The following CAB39 variants were observed in gnomAD, a reference collection of about 807,000 sequenced individuals.
CAB39 encodes the protein calcium-binding protein 39.
In CAB39, 8 loss-of-function variants were observed where a neutral mutation model predicts 40.0. The ratio of observed to expected loss-of-function variants is 0.20; its 90% CI spans 0.12 to 0.36. CAB39 has a LOEUF of 0.36. CAB39 is among the 10% of genes least tolerant of loss of function. The probability of loss-of-function intolerance (pLI) is 1.00; values close to 1 mark genes in which losing one functional copy is unlikely to be tolerated. For synonymous variants in CAB39, 156 were observed against 141.6 expected (o/e 1.10, Z -0.72); for missense variants, 270 against 401.1 (o/e 0.67, Z 2.79).
chr2:230,816,903 T>G (rs953891256), intron 7 of CAB39, among the ~76,000 whole-genome samples: 4 of 152,148 alleles, frequency 2.6e-5, no homozygotes, highest in African/African-American at 9.7e-5. Flanking sequence ...GACCAAGCTC[T>G]CCACAGCTCT....
Position 230,759,968 on chromosome 2 carries a change from G to A in CAB39, c.-34G>A, listed in dbSNP as rs1351887599. On this transcript the variant is annotated 5_prime_UTR_variant, in exon 2 of 9. Transcript: ENST00000258418. ...TTGTGCTGTGTTCTAGGTAGCACAGGCGGAGTGCAGCGGAGGCCCCTGCCG... is the reference window on the plus strand; with the variant it reads ...TTGTGCTGTGTTCTAGGTAGCACAGACGGAGTGCAGCGGAGGCCCCTGCCG... The A allele has an allele frequency of 8.6e-7, 1 of 1,162,898 alleles. No homozygotes were observed. The highest frequency in any genetic ancestry group is 1.7e-5 in the Admixed American group (1 of 59,032). The allele number at this position is 1,162,898 out of a possible 1,614,324, so 72.0% of individuals were successfully genotyped here. A position where few individuals can be genotyped will look rare whatever the true frequency, so the allele number is the denominator to read the frequency against.
At chr2:230,725,763 A>G (rs974574344) in intron 1 of CAB39, among the ~76,000 whole-genome samples, 1 of 152,222 alleles carries the variant, frequency 6.6e-6, no homozygotes, top group African/African-American at 2.4e-5. Context: ...GTCTCAGGAC[A>G]CAAAGAACTT....
Position 230,718,596 on chromosome 2 carries a change from G to T in CAB39, c.-44+5366G>T, listed in dbSNP as rs528950807. Among the ~76,000 whole-genome samples, 4 of 152,312 alleles carry T rather than the reference G, an allele frequency of 2.6e-5. 1 individual carries two copies. The South Asian group carries it at 8.3e-4, about 32-fold the overall frequency. On this transcript the variant is annotated intron_variant, in intron 1 of 8. Coordinates refer to ENST00000258418, the MANE Select transcript of CAB39 (RefSeq NM_016289.4). ...AGCTTGAATTCCTTGGATGGTAATAGTAGACCATATCTGAGAGGGTTGTAG... is the reference window on the plus strand; with the variant it reads ...AGCTTGAATTCCTTGGATGGTAATATTAGACCATATCTGAGAGGGTTGTAG...
intron 2 of CAB39, among the ~76,000 whole-genome samples, chr2:230,763,670 G>C (rs1695333878): frequency 6.6e-6 from 1 of 151,984 alleles, no homozygotes; most frequent in Non-Finnish European, 1.5e-5. Flanking sequence ...TATTTTAATA[G>C]CCTTTCAGAT....
At chr2:230,749,654 T>G (rs1052510313) in intron 1 of CAB39, among the ~76,000 whole-genome samples, 29 of 152,200 alleles carry the variant, frequency 1.9e-4, no homozygotes, top group African/African-American at 7.0e-4. Context: ...TCGGTAGAAA[T>G]CCTCAGAAGC....
chr2:230,788,732 A>G (rs1487932516), intron 2 of CAB39, among the ~76,000 whole-genome samples: 5 of 152,140 alleles, frequency 3.3e-5, no homozygotes. Flanking sequence ...ATGTTCCTCC[A>G]CTATCTTTTG....
chr2:230,780,021 G>A (rs1695658641), intron 2 of CAB39, among the ~76,000 whole-genome samples: 1 of 152,176 alleles, frequency 6.6e-6, no homozygotes, highest in Admixed American at 6.5e-5. Flanking sequence ...ATGGGTCTTA[G>A]GGGTCATCTG....
chr2:230,759,990 G>T lies in CAB39; in HGVS notation c.-12G>T. On this transcript the variant is annotated 5_prime_UTR_variant, in exon 2 of 9. Transcript: ENST00000258418. The stretch of plus-strand genomic sequence containing the variant: ...CAGGCGGAGTGCAGCGGAGGCCCCT[G>T]CCGCTGCCGTCATGCCGTTCCCGTT... The T allele has an allele frequency of 2.0e-6, 3 of 1,533,794 alleles. No homozygotes were observed. The South Asian group carries it at 3.4e-5, about 17-fold the overall frequency.
In CAB39 at chr2:230,775,568, T is replaced by C. The variant is rs1241000022; in HGVS notation, c.115-15304T>C. On this transcript the variant is annotated intron_variant, in intron 2 of 8. Coordinates refer to ENST00000258418, the MANE Select transcript of CAB39 (RefSeq NM_016289.4). ...CATTTCTTAACAATAACTAGTTATA[T>C]GTAAGTTAGAATCAATTCAGTTATG... Among the ~76,000 whole-genome samples, 5 of 152,308 alleles carry C rather than the reference T, an allele frequency of 3.3e-5. No individual in the cohort carries two copies. The East Asian group carries it at 9.6e-4, about 29-fold the overall frequency.
chr2:230,721,058 C>T (rs886539401), intron 1 of CAB39, among the ~76,000 whole-genome samples: 9 of 152,222 alleles, frequency 5.9e-5, no homozygotes, highest in East Asian at 1.9e-4. Flanking sequence ...TCCCTCCCCT[C>T]TTCCCCACCT....
chr2:230,753,149 T>C (rs548688990), intron 1 of CAB39, among the ~76,000 whole-genome samples: 48 of 152,156 alleles, frequency 3.2e-4, no homozygotes, highest in Non-Finnish European at 6.0e-4. Flanking sequence ...GGAAAGGGCA[T>C]TGGGAGAGAG....
chr2:230,737,010 T>C (rs1694798977), intron 1 of CAB39, among the ~76,000 whole-genome samples: 2 of 152,208 alleles, frequency 1.3e-5, no homozygotes, highest in Admixed American at 6.5e-5. Flanking sequence ...AACACTAATA[T>C]CTGCCTTTCA....
intron 1 of CAB39, among the ~76,000 whole-genome samples, chr2:230,730,929 C>T (rs13396097): frequency 0.13 from 19,717 of 152,188 alleles, 1,526 homozygotes; most frequent in Non-Finnish European, 0.17. Context: ...TATTAGTAAG[C>T]TCCTTTTATG....
At chr2:230,760,452 A>G (rs1030762067) in intron 2 of CAB39, among the ~76,000 whole-genome samples, 4 of 152,280 alleles carry the variant, frequency 2.6e-5, no homozygotes, top group Non-Finnish European at 5.9e-5. Context: ...GCCAAGCCTC[A>G]AGCGATCTTT....
At chr2:230,793,838 C>G (rs1317882824) in intron 4 of CAB39, among the ~76,000 whole-genome samples, 1 of 152,120 alleles carries the variant, frequency 6.6e-6, no homozygotes, top group African/African-American at 2.4e-5. Flanking sequence ...ACTTACTAAT[C>G]CATATAATTT....
chr2:230,716,519 C>T (rs574465618), intron 1 of CAB39, among the ~76,000 whole-genome samples: 1 of 152,164 alleles, frequency 6.6e-6, no homozygotes, highest in South Asian at 2.1e-4. Flanking sequence ...CTTTTGTTTA[C>T]CTTTCTGGCA....
intron 2 of CAB39, among the ~76,000 whole-genome samples, chr2:230,778,430 T>G (rs971328067): frequency 2.0e-5 from 3 of 152,218 alleles, no homozygotes; most frequent in Non-Finnish European, 4.4e-5. Context: ...AATTGTACTT[T>G]TGTATCACTA....
intron 1 of CAB39, among the ~76,000 whole-genome samples, chr2:230,734,786 TCC>T (rs1694756912): frequency 1.5e-5 from 2 of 133,318 alleles, no homozygotes; most frequent in African/African-American, 7.5e-5. Context: ...GCCCACAGGA[TCC>T]CAGAGGCATT....
intron 2 of CAB39, among the ~76,000 whole-genome samples, chr2:230,772,249 A>G (rs1221431488): frequency 6.6e-6 from 1 of 152,224 alleles, no homozygotes; most frequent in Non-Finnish European, 1.5e-5. Flanking sequence ...AGAGTGGGCA[A>G]GATACTCATA....
Sources: gnomAD v4.1 joint callset for allele counts (sites outside exome capture counted in the v4.1 genomes callset) on GRCh38, gnomAD v4.1.1 for gene constraint, MANE v1.5 for transcripts, NCBI Gene and HGNC (gene_info 2026-07-23, HGNC 2026-07-21) for gene names.